The following ADAMTS17 variants were observed in gnomAD, a reference collection of about 807,000 sequenced individuals.
The protein encoded by ADAMTS17 is ADAM metallopeptidase with thrombospondin type 1 motif 17, also known as A disintegrin and metalloproteinase with thrombospondin motifs 17.
In ADAMTS17, 113 loss-of-function variants were observed where a neutral mutation model predicts 141.5. The observed-to-expected ratio is 0.80, with a 90% CI of 0.69 to 0.93. The LOEUF (loss-of-function observed/expected upper bound fraction) is 0.93. ADAMTS17 is among the 40% of genes least tolerant of loss of function. The pLI is 0.00. For missense variants in ADAMTS17, 1,659 were observed against 1,517.9 expected (o/e 1.09, Z -1.54); for synonymous variants, 768 against 630.6 (o/e 1.22, Z -3.27).
At chr15:100,341,775 T>C in intron 1 of ADAMTS17, 46 bp downstream of exon 1, 1 of 1,538,664 alleles carries the variant, frequency 6.5e-7, no homozygotes, top group Non-Finnish European at 8.8e-7. Context: ...AGAGGGAAGG[T>C]AGCCGCAGGA....
chr15:100,329,519 G>C (rs1484581942), intron 3 of ADAMTS17, among the ~76,000 whole-genome samples: 5 of 127,082 alleles, frequency 3.9e-5, no homozygotes, highest in African/African-American at 1.3e-4. Context: ...GAGTGAGATC[G>C]TGTCTCCAAA....
At chr15:100,014,059 G>A (rs549150016) in intron 18 of ADAMTS17, among the ~76,000 whole-genome samples, 38 of 151,974 alleles carry the variant, frequency 2.5e-4, no homozygotes, top group South Asian at 2.3e-3. Flanking sequence ...TTTCAATCTC[G>A]CTGCTTGTTA....
chr15:100,254,060 C>A lies in ADAMTS17; in HGVS notation c.1075+76G>T, dbSNP rs539655666. ...AGTGCTTGTTTGAGGACAGCTCCTC[C>A]ACTGTGACCAGGAAGTCTCCAGATT... is the stretch of plus-strand genomic sequence containing the variant. On this transcript the variant is annotated intron_variant, in intron 7 of 21. Coordinates refer to ENST00000268070, the MANE Select transcript of ADAMTS17 (RefSeq NM_139057.4). The A allele has an allele frequency of 1.2e-4, 164 of 1,411,106 alleles. 1 individual carries two copies. The South Asian group carries it at 1.9e-3, about 16-fold the overall frequency. The allele number at this position is 1,411,106 out of a possible 1,614,324, so 87.4% of individuals were successfully genotyped here.
intron 10 of ADAMTS17, among the ~76,000 whole-genome samples, chr15:100,137,243 C>T (rs1255139927): frequency 6.6e-6 from 1 of 152,208 alleles, no homozygotes; most frequent in East Asian, 1.9e-4. Flanking sequence ...GGACGGAAAC[C>T]CAGACAAGGC....
intron 10 of ADAMTS17, among the ~76,000 whole-genome samples, chr15:100,142,256 C>T (rs1166635648): frequency 6.6e-6 from 1 of 152,188 alleles, no homozygotes; most frequent in Non-Finnish European, 1.5e-5. Flanking sequence ...TCTCTCTAGC[C>T]ATCAGATGCC....
rs750549261 is a variant in ADAMTS17, at chr15:100,341,799, G to A, written c.79+22C>T. 5 of 1,549,322 alleles carry A rather than the reference G, an allele frequency of 3.2e-6. No homozygotes were observed. The Admixed American group carries it at 7.8e-5, about 24-fold the overall frequency. ...GTAGCCGCAGGACGCGGGGTGAAGA[G>A]GGCTGTGGGAGGGGGCGCTACCTGT... is the stretch of plus-strand genomic sequence containing the variant. On this transcript the variant is annotated intron_variant, in intron 1 of 21. Transcript: ENST00000268070.
At chr15:100,230,706 T>C (rs2042453422) in intron 7 of ADAMTS17, among the ~76,000 whole-genome samples, 1 of 152,188 alleles carries the variant, frequency 6.6e-6, no homozygotes. Flanking sequence ...GCATTTTGAA[T>C]GAAAGCATTT....
intron 18 of ADAMTS17, among the ~76,000 whole-genome samples, chr15:100,044,101 C>T (rs1192355423): frequency 6.6e-6 from 1 of 152,156 alleles, no homozygotes; most frequent in Non-Finnish European, 1.5e-5. Flanking sequence ...GATATACTTG[C>T]CCACTTGTTG....
At chr15:100,182,734 T>C (rs1188313428) in intron 8 of ADAMTS17, among the ~76,000 whole-genome samples, 2 of 152,192 alleles carry the variant, frequency 1.3e-5, no homozygotes, top group Non-Finnish European at 2.9e-5. Flanking sequence ...TGACAACTGA[T>C]GGAGGCTTCT....
At chr15:100,263,974 G>A (rs531146325) in intron 4 of ADAMTS17, among the ~76,000 whole-genome samples, 2 of 152,326 alleles carry the variant, frequency 1.3e-5, no homozygotes, top group African/African-American at 4.8e-5. Flanking sequence ...AGCCAGGCAC[G>A]CAGTGTTTGA....
chr15:99,975,584 G>A (rs1685264309), intron 21 of ADAMTS17, among the ~76,000 whole-genome samples: 2 of 152,074 alleles, frequency 1.3e-5, no homozygotes, highest in African/African-American at 4.8e-5. Flanking sequence ...GCCAGGTTCC[G>A]AGCACCCAGG....
intron 18 of ADAMTS17, among the ~76,000 whole-genome samples, chr15:100,025,886 G>GGTTTTT (rs759407836): frequency 6.6e-6 from 1 of 151,782 alleles, no homozygotes; most frequent in Non-Finnish European, 1.5e-5. Flanking sequence ...GGTATCTATA[G>GGTTTTT]GTTTTTGTTT....
chr15:100,135,813 A>T (rs1178123046), intron 10 of ADAMTS17, among the ~76,000 whole-genome samples: 2 of 152,246 alleles, frequency 1.3e-5, no homozygotes, highest in African/African-American at 2.4e-5. Context: ...GCTAGTAAAC[A>T]TATGAAAAGG....
intron 7 of ADAMTS17, among the ~76,000 whole-genome samples, chr15:100,234,254 T>C (rs8024208): frequency 0.31 from 47,699 of 152,034 alleles, 7,654 homozygotes; most frequent in African/African-American, 0.33. Context: ...GCCAGTCGAC[T>C]ACTAGAAAGA....
intron 8 of ADAMTS17, among the ~76,000 whole-genome samples, chr15:100,185,616 C>T (rs111858641): frequency 6.6e-6 from 1 of 152,160 alleles, no homozygotes; most frequent in South Asian, 2.1e-4. Context: ...TGTTAAGAAC[C>T]CTCTTCCACT....
rs12910941 is a variant in ADAMTS17 at position 100,066,887 on chromosome 15, G to A, written c.2138-12833C>T. On this transcript the variant is annotated intron_variant, in intron 15 of 21. Coordinates refer to ENST00000268070, the MANE Select transcript of ADAMTS17 (RefSeq NM_139057.4). ...TTCAACGCTTGAAATACACTTTTCC[G>A]CTGTCTTCCCTTATGATATTGAGAG... is the stretch of plus-strand genomic sequence containing the variant. Among the ~76,000 whole-genome samples the A allele has an allele frequency of 3.6e-4, 9 of 25,324 alleles. 3 individuals carry two copies. Among genetic ancestry groups the A allele is most frequent in the Admixed American group, 3.0e-3 (6 of 2,018 alleles). The allele number at this position is 25,324 out of a possible 152,430, so 16.6% of individuals were successfully genotyped here. A position where few individuals can be genotyped will look rare whatever the true frequency, so the allele number is the denominator to read the frequency against.
intron 17 of ADAMTS17, 69 bp downstream of exon 17, chr15:100,051,503 C>A: frequency 6.2e-7 from 1 of 1,606,530 alleles, no homozygotes; most frequent in Non-Finnish European, 8.5e-7. Context: ...TGCGTGCTGG[C>A]CACAGATGCC....
At chr15:100,031,373 G>A (rs1054336692) in intron 18 of ADAMTS17, among the ~76,000 whole-genome samples, 2 of 152,200 alleles carry the variant, frequency 1.3e-5, no homozygotes, top group Non-Finnish European at 2.9e-5. Flanking sequence ...AGCAGGTAAA[G>A]GAAAGATTTA....
intron 3 of ADAMTS17, among the ~76,000 whole-genome samples, chr15:100,292,189 C>T (rs774726723): frequency 6.7e-6 from 1 of 148,798 alleles, no homozygotes; most frequent in Non-Finnish European, 1.5e-5. Context: ...ACGCTCACCC[C>T]GTGGGGAATC....
Sources: gnomAD v4.1 joint callset for allele counts (sites outside exome capture counted in the v4.1 genomes callset) on GRCh38, gnomAD v4.1.1 for gene constraint, MANE v1.5 for transcripts, NCBI Gene and HGNC (gene_info 2026-07-23, HGNC 2026-07-21) for gene names.